TIAM1: variants seen among roughly 807,000 people sequenced by gnomAD.
TIAM1 encodes rho guanine nucleotide exchange factor TIAM1.
TIAM1 carries 65 observed loss-of-function variants against 163.5 expected under a neutral mutation model. The ratio of observed to expected loss-of-function variants is 0.40; its 90% confidence interval spans 0.33 to 0.49. The LOEUF (loss-of-function observed/expected upper bound fraction) is 0.49. Ranked by LOEUF, TIAM1 falls within the 20% of genes least tolerant of loss-of-function variation. TIAM1 has a pLI of 0.77. For synonymous variants in TIAM1, 833 were observed against 810.1 expected (o/e 1.03, Z -0.48); for missense variants, 1,789 against 2,044.7 (o/e 0.87, Z 2.41).
intron 2 of TIAM1, among the ~76,000 whole-genome samples, chr21:31,385,884 A>AATATAATTAGTTG (rs58893902): frequency 1.4e-5 from 2 of 145,544 alleles, no homozygotes; most frequent in African/African-American, 2.5e-5. Flanking sequence ...TATATTAGTT[A>AATATAATTAGTTG]ATATAATTAT....
At chr21:31,310,988 G>A (rs1457331846) in intron 2 of TIAM1, among the ~76,000 whole-genome samples, 2 of 152,150 alleles carry the variant, frequency 1.3e-5, no homozygotes, top group Non-Finnish European at 2.9e-5. Flanking sequence ...TTTTTCTTAA[G>A]AGAAAATAGA....
rs546383029 is a variant in TIAM1, at chr21:31,494,210, G to A, written c.-421-30175C>T. Reference sequence around the variant, plus strand: ...ATTACAGGTGTAAGTCACTGTGCCCGGCCCATCTAATAATTTATTTCTGTA... The same window carrying A: ...ATTACAGGTGTAAGTCACTGTGCCCAGCCCATCTAATAATTTATTTCTGTA... On this transcript the variant is annotated intron_variant, in intron 1 of 28. Transcript: ENST00000286827. Among the ~76,000 whole-genome samples the A allele has an allele frequency of 1.8e-4, 27 of 152,074 alleles. No homozygotes were observed. In the Middle Eastern group the frequency reaches 0.01, roughly 57 times the overall value.
intron 5 of TIAM1, 121 bp from the exon 6 acceptor site, chr21:31,245,781 GAAGTA>G: frequency 1.1e-6 from 1 of 942,240 alleles, no homozygotes; most frequent in Non-Finnish European, 1.4e-6. Flanking sequence ...TGGAACCCAG[GAAGTA>G]AAGAGAATGG....
At chr21:31,433,873 C>T (rs962740360) in intron 2 of TIAM1, among the ~76,000 whole-genome samples, 16 of 152,080 alleles carry the variant, frequency 1.1e-4, no homozygotes, top group African/African-American at 3.9e-4. Flanking sequence ...TCTCGGCTCA[C>T]TGCAACCTTC....
chr21:31,258,813 CA>C (rs34060979), intron 4 of TIAM1, among the ~76,000 whole-genome samples: 39,994 of 141,098 alleles, frequency 0.28, 5,371 homozygotes, highest in African/African-American at 0.37. Flanking sequence ...GACTCCGTCT[CA>C]AAAAAAAAAA....
In TIAM1 at chr21:31,304,524, C is replaced by T. The variant is rs189838231; in HGVS notation, c.-188-27616G>A. Among the ~76,000 whole-genome samples the T allele has an allele frequency of 7.9e-5, 12 of 152,228 alleles. No homozygotes were observed. The East Asian group carries it at 2.3e-3, about 29-fold the overall frequency. ...CAATTCCACTCAGCCAAACAAGTAC[C>T]GTATGCCACAGGTAAGAGCACCGTG... On this transcript the variant is annotated intron_variant, in intron 2 of 27. Transcript: ENST00000541036.
At chr21:31,556,050 T>C (rs2048867078) in intron 1 of TIAM1, among the ~76,000 whole-genome samples, 1 of 152,106 alleles carries the variant, frequency 6.6e-6, no homozygotes. Flanking sequence ...AGAGTGGAGT[T>C]AAATTGTCAG....
intron 2 of TIAM1, among the ~76,000 whole-genome samples, chr21:31,311,852 A>G (rs890381433): frequency 7.2e-5 from 11 of 152,264 alleles, no homozygotes; most frequent in Non-Finnish European, 1.2e-4. Flanking sequence ...GGAGAGGCAG[A>G]CCCACCCTCA....
At chr21:31,327,456 A>G (rs1220773467) in intron 2 of TIAM1, among the ~76,000 whole-genome samples, 1 of 152,022 alleles carries the variant, frequency 6.6e-6, no homozygotes, top group African/African-American at 2.4e-5. Flanking sequence ...TCTGGCCAAC[A>G]TAGCAAAACC....
intron 2 of TIAM1, among the ~76,000 whole-genome samples, chr21:31,303,548 C>T (rs1464256170): frequency 6.6e-6 from 1 of 151,736 alleles, no homozygotes; most frequent in Non-Finnish European, 1.5e-5. Context: ...ATTTAAATAA[C>T]TTTTGAACTT....
Position 31,203,065 on chromosome 21 carries a change from C to T in TIAM1, c.2389-53G>A, listed in dbSNP as rs924583364. 6 of 1,375,936 alleles carry T rather than the reference C, an allele frequency of 4.4e-6. No homozygotes were observed. The African/African-American group carries it at 7.1e-5, about 16-fold the overall frequency. 85.2% of individuals were successfully genotyped at this position (1,375,936 alleles called of 1,614,324 possible). The stretch of plus-strand genomic sequence containing the variant: ...AAATGTCTGTTCAATAGTAAATAGG[C>T]ACAATTAGTTCTCCACCAACATACG... On this transcript the variant is annotated intron_variant, in intron 11 of 27. Transcript: ENST00000541036.
intron 13 of TIAM1, among the ~76,000 whole-genome samples, chr21:31,192,700 T>C (rs1366987300): frequency 6.6e-6 from 1 of 152,192 alleles, no homozygotes; most frequent in African/African-American, 2.4e-5. Flanking sequence ...CACCGGGAAC[T>C]TTGTTCTCCT....
At chr21:31,190,755 T>C (rs748650630) in intron 13 of TIAM1, among the ~76,000 whole-genome samples, 1 of 152,172 alleles carries the variant, frequency 6.6e-6, no homozygotes, top group East Asian at 1.9e-4. Context: ...AGGGCTGAGA[T>C]GGAGAGAGAG....
In TIAM1 at chr21:31,395,219, C is replaced by G. The variant is rs1419968237; in HGVS notation, c.-368-55797G>C. Among the ~76,000 whole-genome samples, 1 of 147,722 alleles carries G rather than the reference C, an allele frequency of 6.8e-6. No homozygotes were observed. The highest frequency in any genetic ancestry group is 1.5e-5 in the Non-Finnish European group (1 of 67,160). On this transcript the variant is annotated intron_variant, in intron 2 of 28. Transcript: ENST00000286827. The surrounding 1 kb of genome is among the most constrained non-coding windows in gnomAD (Gnocchi z 7.5). ...CGCCACCACACTCCAGCCTGGGCAA[C>G]AGAGTGAGACTCTGTCTCAAAAAAA...
At chr21:31,262,552 A>G (rs1433914447) in intron 4 of TIAM1, among the ~76,000 whole-genome samples, 3 of 152,198 alleles carry the variant, frequency 2.0e-5, no homozygotes, top group Admixed American at 2.0e-4. Context: ...AAAATACACG[A>G]ATTAAACCAA....
At chr21:31,142,793 C>T (rs1230177471) in intron 20 of TIAM1, among the ~76,000 whole-genome samples, 3 of 152,088 alleles carry the variant, frequency 2.0e-5, no homozygotes, top group Non-Finnish European at 2.9e-5. Context: ...TGTGGGCATC[C>T]GTGGGCTCTG....
At position 31,551,471 on chromosome 21, in the gene TIAM1, G is replaced by T. The variant is rs191030560; in HGVS notation, c.-422+7456C>A. Among the ~76,000 whole-genome samples, 119 of 152,182 alleles carry T rather than the reference G, an allele frequency of 7.8e-4. 1 individual carries two copies. Among genetic ancestry groups the T allele is most frequent in the Non-Finnish European group, 1.5e-4 (10 of 67,998 alleles). On this transcript the variant is annotated intron_variant, in intron 1 of 28. Coordinates refer to the TIAM1 transcript ENST00000286827. Reference sequence around the variant, plus strand: ...AAAGAACCATTAAAAAAAATGCCATGGCTCACACCTGTAATCCAGAACTTT... The same window carrying T: ...AAAGAACCATTAAAAAAAATGCCATTGCTCACACCTGTAATCCAGAACTTT...
chr21:31,253,752 G>T (rs1250422851), intron 4 of TIAM1, among the ~76,000 whole-genome samples: 1 of 152,146 alleles, frequency 6.6e-6, no homozygotes, highest in Non-Finnish European at 1.5e-5. Flanking sequence ...CCCTATAACT[G>T]CTGGTTCCCA....
At position 31,539,561 on chromosome 21, in the gene TIAM1, G is replaced by A. The variant is rs544727940; in HGVS notation, c.-422+19366C>T. Among the ~76,000 whole-genome samples, 215 of 152,204 alleles carry A rather than the reference G, an allele frequency of 1.4e-3. 1 individual carries two copies. The highest frequency in any genetic ancestry group is 1.4e-3 in the East Asian group (7 of 5,164). On this transcript the variant is annotated intron_variant, in intron 1 of 28. Transcript: ENST00000286827. ...ATTACAGGCGTGAGCCACCGCGCCC[G>A]GCCGGAATGGGCTAGTTATTCTGTA... is the stretch of plus-strand genomic sequence containing the variant.
Sources: allele counts gnomAD v4.1 joint callset (sites outside exome capture counted in the v4.1 genomes callset), GRCh38; gene constraint gnomAD v4.1.1; non-coding constraint Gnocchi (gnomAD v3.1); transcripts MANE v1.5; gene names NCBI Gene and HGNC (gene_info 2026-07-23, HGNC 2026-07-21).